Variants in GSG1L observed in about 807,000 individuals in gnomAD.
The protein encoded by GSG1L is GSG1 like.
A neutral mutation model predicts 42.1 loss-of-function variants in GSG1L; 24 were observed. The observed-to-expected ratio is 0.57, with a 90% CI of 0.41 to 0.80. The LOEUF is 0.80. GSG1L is among the 30% of genes least tolerant of loss of function. GSG1L has a pLI of 0.00. For synonymous variants in GSG1L, 215 were observed against 203.5 expected, an observed-to-expected ratio of 1.06 and a Z score of -0.48; for missense variants, 445 against 472.2, an observed-to-expected ratio of 0.94 and a Z score of 0.53.
rs1447517691 is a variant in GSG1L, at chr16:28,028,183, T to C, written c.349+34893A>G. Among the ~76,000 whole-genome samples, 5 of 152,284 alleles carry C rather than the reference T, an allele frequency of 3.3e-5. No homozygotes were observed. In the East Asian group the frequency reaches 9.7e-4, roughly 29 times the overall value. On this transcript the variant is annotated intron_variant, in intron 1 of 6. Transcript: ENST00000447459. ...GGCTGTGGGACTTTGGGCAAGCTACTGAACTTCAAGATGCCTCAATTTCCT... is the reference window on the plus strand; with the variant it reads ...GGCTGTGGGACTTTGGGCAAGCTACCGAACTTCAAGATGCCTCAATTTCCT...
In GSG1L at chr16:27,981,226, C is replaced by T. The variant is rs540175951; in HGVS notation, c.350-18023G>A. ...TCAAAGTTTGACCCTGGTTCCGAGA[C>T]CCAGATTCCACAAGCAGCAAAGCTT... On this transcript the variant is annotated intron_variant, in intron 1 of 6. Coordinates refer to ENST00000447459, the MANE Select transcript of GSG1L (RefSeq NM_001109763.2). Among the ~76,000 whole-genome samples, 42 of 152,284 alleles carry T rather than the reference C, an allele frequency of 2.8e-4. 1 individual carries two copies. In the South Asian group the frequency reaches 8.3e-3, roughly 30 times the overall value.
intron 1 of GSG1L, among the ~76,000 whole-genome samples, chr16:27,991,188 T>C (rs1286566212): frequency 6.6e-6 from 1 of 152,228 alleles, no homozygotes; most frequent in East Asian, 1.9e-4. Context: ...CAGTTGTTTC[T>C]GAGCTTTTAT....
intron 3 of GSG1L, among the ~76,000 whole-genome samples, chr16:27,847,883 C>T (rs2083461684): frequency 6.6e-6 from 1 of 152,244 alleles, no homozygotes; most frequent in Non-Finnish European, 1.5e-5. Context: ...GCTTCCTCTA[C>T]AGCCTGCAGA....
chr16:27,940,180 A>G (rs562148388), intron 2 of GSG1L, among the ~76,000 whole-genome samples: 284 of 152,264 alleles, frequency 1.9e-3, no homozygotes, highest in Non-Finnish European at 3.2e-3. Flanking sequence ...TTAGAATGGC[A>G]ATCATTAAAA....
At chr16:27,812,483 GA>G in intron 5 of GSG1L, among the ~76,000 whole-genome samples, 1 of 152,344 alleles carries the variant, frequency 6.6e-6, no homozygotes, top group South Asian at 2.1e-4. Context: ...AGACGAGATG[GA>G]AACAAATGGG....
intron 2 of GSG1L, among the ~76,000 whole-genome samples, chr16:27,953,750 A>C (rs1051360664): frequency 6.6e-6 from 1 of 152,132 alleles, no homozygotes; most frequent in Non-Finnish European, 1.5e-5. Context: ...ATGGTGGTGC[A>C]TGCCTGTAAT....
intron 1 of GSG1L, among the ~76,000 whole-genome samples, chr16:28,057,426 T>C (rs1034817135): frequency 6.6e-6 from 1 of 152,054 alleles, no homozygotes; most frequent in African/African-American, 2.4e-5. Context: ...AGGGCAGAAC[T>C]GGTTGGTGGG....
intron 6 of GSG1L, among the ~76,000 whole-genome samples, chr16:27,798,357 A>G (rs2082844613): frequency 1.3e-5 from 2 of 152,094 alleles, no homozygotes; most frequent in African/African-American, 4.8e-5. Flanking sequence ...CCCTTGCAAA[A>G]GCTCCCAATT....
At chr16:27,994,816 G>C (rs575047245) in intron 1 of GSG1L, among the ~76,000 whole-genome samples, 4 of 152,338 alleles carry the variant, frequency 2.6e-5, no homozygotes, top group African/African-American at 9.6e-5. Context: ...CAGGCTGAGA[G>C]GTCACAGGGC....
At chr16:27,999,023 TTA>T (rs1361961335) in intron 1 of GSG1L, among the ~76,000 whole-genome samples, 3 of 152,224 alleles carry the variant, frequency 2.0e-5, no homozygotes, top group African/African-American at 7.2e-5. Context: ...GGCATTTGAA[TTA>T]TATGTTTACT....
rs112102112 is a variant in GSG1L at position 27,837,889 on chromosome 16, T to C, written c.662+7061A>G. ...TTTCTGTCCTTTAGGCATTTCTGAATTGCTGACTTCTTCAGCTCCAAATCT... is the reference window on the plus strand; with the variant it reads ...TTTCTGTCCTTTAGGCATTTCTGAACTGCTGACTTCTTCAGCTCCAAATCT... On this transcript the variant is annotated intron_variant, in intron 4 of 6. Transcript: ENST00000447459. 3.1e-3 allele frequency among the ~76,000 whole-genome samples: 464 copies of C among 152,096 alleles called. 6 individuals carry two copies. Among genetic ancestry groups the C allele is most frequent in the African/African-American group, 0.011 (444 of 41,498 alleles).
At chr16:27,828,112 C>T (rs2083234095) in intron 5 of GSG1L, among the ~76,000 whole-genome samples, 1 of 151,976 alleles carries the variant, frequency 6.6e-6, no homozygotes, top group African/African-American at 2.4e-5. Flanking sequence ...CACTCACTCA[C>T]CTATTGATCC....
At chr16:27,856,414 A>G (rs2083578474) in intron 3 of GSG1L, among the ~76,000 whole-genome samples, 1 of 152,180 alleles carries the variant, frequency 6.6e-6, no homozygotes, top group South Asian at 2.1e-4. Context: ...CCTGGGCTCA[A>G]GCGAGCCCCC....
intron 2 of GSG1L, among the ~76,000 whole-genome samples, chr16:27,948,369 CT>C (rs1191143415): frequency 3.3e-5 from 5 of 151,884 alleles, no homozygotes; most frequent in African/African-American, 1.2e-4. Flanking sequence ...TATTCTTATT[CT>C]TATTCTTATT....
At chr16:27,888,927 GATAGAT>G (rs55977600) in intron 2 of GSG1L, among the ~76,000 whole-genome samples, 20,132 of 142,016 alleles carry the variant, frequency 0.14, 1,457 homozygotes, top group Admixed American at 0.17. Flanking sequence ...CTTGTGCTTA[GATAGAT>G]ATAGATATAG....
intron 2 of GSG1L, among the ~76,000 whole-genome samples, chr16:27,903,203 G>T (rs1222128605): frequency 6.6e-6 from 1 of 152,100 alleles, no homozygotes; most frequent in Non-Finnish European, 1.5e-5. Flanking sequence ...AATCCTGGGG[G>T]CTAGGAGCCC....
chr16:27,843,782 T>C (rs9931799), intron 4 of GSG1L, among the ~76,000 whole-genome samples: 41,634 of 151,844 alleles, frequency 0.27, 6,087 homozygotes, highest in Middle Eastern at 0.33. Context: ...GCTCCAGAGG[T>C]GGGCTTGGTC....
chr16:27,961,611 G>A (rs571160806), intron 2 of GSG1L, among the ~76,000 whole-genome samples: 6 of 152,292 alleles, frequency 3.9e-5, no homozygotes, highest in Non-Finnish European at 4.4e-5. Flanking sequence ...TGCTTGCGAC[G>A]TGCTTGGCAC....
chr16:28,017,885 G>C (rs1263055146), intron 1 of GSG1L, among the ~76,000 whole-genome samples: 1 of 152,136 alleles, frequency 6.6e-6, no homozygotes, highest in Admixed American at 6.6e-5. Flanking sequence ...GGGGAGGGAC[G>C]GGATGTGATG....
Sources: allele counts gnomAD v4.1 joint callset (sites outside exome capture counted in the v4.1 genomes callset), GRCh38; gene constraint gnomAD v4.1.1; transcripts MANE v1.5; gene names NCBI Gene and HGNC (gene_info 2026-07-23, HGNC 2026-07-21).